The following DACH2 variants were observed in gnomAD, a reference collection of about 807,000 sequenced individuals.
DACH2 encodes the protein dachshund homolog 2.
DACH2 carries 17 observed loss-of-function variants against 35.8 expected under a neutral mutation model. The ratio of observed to expected loss-of-function variants is 0.48; its 90% CI spans 0.33 to 0.71. DACH2 has a LOEUF of 0.71. Among genes scored for constraint, DACH2 ranks in the 30% least tolerant of loss-of-function variants. The pLI is 0.02. For missense variants in DACH2, 469 were observed against 472.7 expected (o/e 0.99, Z 0.07); for synonymous variants, 195 against 177.3 (o/e 1.10, Z -0.79).
chrX:86,284,088 A>G (rs1185121231), intron 1 of DACH2, among the ~76,000 whole-genome samples: 1 of 111,279 alleles, frequency 9.0e-6, no homozygotes, highest in African/African-American at 3.3e-5. Flanking sequence ...GATGCCCTTT[A>G]TATCTTTCTC....
intron 1 of DACH2, among the ~76,000 whole-genome samples, chrX:86,214,932 TA>T (rs898512586): frequency 9.0e-6 from 1 of 111,392 alleles, no homozygotes. Flanking sequence ...ATTAGCATTC[TA>T]AAAAAACAAG....
intron 7 of DACH2, among the ~76,000 whole-genome samples, chrX:86,765,052 C>T (rs2041918420): frequency 9.0e-6 from 1 of 111,424 alleles, no homozygotes; most frequent in Non-Finnish European, 1.9e-5. Flanking sequence ...TGTTCATGTC[C>T]TTTTCCCATT....
intron 3 of DACH2, among the ~76,000 whole-genome samples, chrX:86,555,909 T>A (rs761032823): frequency 9.0e-6 from 1 of 111,436 alleles, no homozygotes; most frequent in Non-Finnish European, 1.9e-5. Flanking sequence ...AAGCCCATCA[T>A]GGTTACTCAG....
chrX:86,493,821 T>A (rs1191327709), intron 2 of DACH2, among the ~76,000 whole-genome samples: 2 of 111,986 alleles, frequency 1.8e-5, no homozygotes, highest in Admixed American at 1.9e-4. Context: ...AGATAACAAC[T>A]TCATAATAAT....
chrX:86,827,138 A>T (rs1028012838), intron 11 of DACH2, among the ~76,000 whole-genome samples: 1 of 111,843 alleles, frequency 8.9e-6, no homozygotes, highest in Non-Finnish European at 1.9e-5. Flanking sequence ...TGTAAATATA[A>T]ACCTCTAAAC....
intron 6 of DACH2, among the ~76,000 whole-genome samples, chrX:86,723,695 T>A (rs185950770): frequency 8.9e-6 from 1 of 111,993 alleles, no homozygotes. Context: ...GTGTTGATAT[T>A]TGTTCTGTGG....
intron 1 of DACH2, among the ~76,000 whole-genome samples, chrX:86,214,459 G>A (rs960445909): frequency 3.6e-5 from 4 of 112,013 alleles, no homozygotes; most frequent in African/African-American, 1.3e-4. Context: ...GGATGAAACC[G>A]GTAAATCAAG....
In DACH2 at chrX:86,667,205, G is replaced by A. The variant is rs756849976; in HGVS notation, c.772+16038G>A. On this transcript the variant is annotated intron_variant, in intron 4 of 11. Transcript: ENST00000373125. ...TGGGAGGCAGAGGTTACAGTGAGCCGAGACTGCACTCCACCCTGGATGACA... is the reference window on the plus strand; with the variant it reads ...TGGGAGGCAGAGGTTACAGTGAGCCAAGACTGCACTCCACCCTGGATGACA... 3.0e-5 allele frequency among the ~76,000 whole-genome samples: 3 copies of A among 99,431 alleles called. No individual in the cohort carries two copies. The South Asian group carries it at 1.5e-3, about 49-fold the overall frequency. The allele number at this position is 99,431 out of a possible 115,157, so 86.3% of individuals were successfully genotyped here. A position where few individuals can be genotyped will look rare whatever the true frequency, so the allele number is the denominator to read the frequency against.
At chrX:86,610,417 CT>C (rs773331473) in intron 3 of DACH2, among the ~76,000 whole-genome samples, 4,068 of 48,257 alleles carry the variant, frequency 0.084, 141 homozygotes, top group East Asian at 0.16. Context: ...TTCTTTCTTT[CT>C]TTTCTTTCTT....
At chrX:86,272,168 C>A (rs374788762) in intron 1 of DACH2, among the ~76,000 whole-genome samples, 11 of 106,272 alleles carry the variant, frequency 1.0e-4, no homozygotes, top group African/African-American at 3.5e-4. Context: ...TGATTTCATT[C>A]TTTTTAATGG....
At chrX:86,526,453 C>A (rs908665184) in intron 3 of DACH2, among the ~76,000 whole-genome samples, 1 of 111,431 alleles carries the variant, frequency 9.0e-6, no homozygotes, top group Admixed American at 9.5e-5. Flanking sequence ...AAAATGTTTT[C>A]TTGTGACTTG....
chrX:86,379,587 T>C (rs1157371475), intron 2 of DACH2, among the ~76,000 whole-genome samples: 2 of 111,091 alleles, frequency 1.8e-5, no homozygotes, highest in Admixed American at 1.9e-4. Flanking sequence ...TAAATCCTTA[T>C]TGAGGATGGT....
chrX:86,731,090 T>G (rs1022801951), intron 6 of DACH2, among the ~76,000 whole-genome samples: 2 of 111,623 alleles, frequency 1.8e-5, no homozygotes, highest in Admixed American at 9.6e-5. Flanking sequence ...TGTTGAATGT[T>G]AGGATGAAAG....
chrX:86,813,221 A>C lies in DACH2; in HGVS notation c.1481A>C (p.Glu494Ala), dbSNP rs1301866071. The change falls in exon 9 of 12, where the codon GAG (glutamate) becomes GCG (alanine). Residue 494 changes from glutamate (E) to alanine (A), a missense_variant. Physicochemically the swap from Glu to Ala is moderately radical, Grantham distance 107 (BLOSUM62 -1). Transcript: ENST00000373125. ...KKELRLELYREREIRENLERQ... is the reference protein window; with the variant it reads ...KKELRLELYRAREIRENLERQ... ...GAGCTGCGACTGGAGCTCTATAGAG[A>C]GAGAGAAATTAGAGAAAACCTTGAA... 5 of 1,201,536 alleles carry C rather than the reference A, an allele frequency of 4.2e-6. No individual in the cohort carries two copies. Among genetic ancestry groups the C allele is most frequent in the Admixed American group, 2.3e-5 (1 of 43,945 alleles).
intron 3 of DACH2, among the ~76,000 whole-genome samples, chrX:86,536,045 A>C (rs1697114870): frequency 1.8e-5 from 2 of 111,079 alleles, no homozygotes; most frequent in Non-Finnish European, 1.9e-5. Flanking sequence ...CTGGTCACAG[A>C]AAAATGGGCT....
chrX:86,550,580 T>C (rs192315227), intron 3 of DACH2, among the ~76,000 whole-genome samples: 5 of 111,606 alleles, frequency 4.5e-5, no homozygotes, highest in African/African-American at 9.8e-5. Context: ...GTCCCTGTGC[T>C]ATTCTCAGGT....
intron 3 of DACH2, among the ~76,000 whole-genome samples, chrX:86,628,697 G>T (rs924219137): frequency 5.4e-5 from 6 of 112,010 alleles, no homozygotes; most frequent in Admixed American, 4.8e-4. Flanking sequence ...CATAGTAGTT[G>T]CTCTCTGCAG....
intron 11 of DACH2, among the ~76,000 whole-genome samples, chrX:86,824,294 T>C (rs1475354559): frequency 9.0e-6 from 1 of 111,727 alleles, no homozygotes; most frequent in African/African-American, 3.3e-5. Flanking sequence ...TCTTCCCTAC[T>C]TCCACATCCG....
chrX:86,363,711 G>A (rs2035769334), intron 1 of DACH2, among the ~76,000 whole-genome samples: 2 of 110,751 alleles, frequency 1.8e-5, no homozygotes, highest in African/African-American at 6.5e-5. Context: ...TGGAAATATC[G>A]TGGGATCTGG....
Sources: allele counts gnomAD v4.1 joint callset (sites outside exome capture counted in the v4.1 genomes callset), GRCh38; gene constraint gnomAD v4.1.1; transcripts MANE v1.5; gene names NCBI Gene and HGNC (gene_info 2026-07-23, HGNC 2026-07-21).